The following CTNNA3 variants were observed in gnomAD, a reference collection of about 807,000 sequenced individuals.
CTNNA3 encodes catenin alpha 3, also known as catenin alpha-3.
CTNNA3 carries 76 observed loss-of-function variants against 95.7 expected under a neutral mutation model. That is an observed-to-expected ratio of 0.79 (90% CI 0.66 to 0.96). The LOEUF is 0.96. Among genes scored for constraint, CTNNA3 ranks in the 40% least tolerant of loss-of-function variants. The probability of loss-of-function intolerance (pLI) is 0.00; values close to 1 mark genes in which losing one functional copy is unlikely to be tolerated. For missense variants in CTNNA3, 1,191 were observed against 1,089.8 expected (o/e 1.09, Z -1.31); for synonymous variants, 431 against 374.4 (o/e 1.15, Z -1.74).
At chr10:67,071,937 T>C (rs1856490468) in intron 7 of CTNNA3, among the ~76,000 whole-genome samples, 1 of 152,144 alleles carries the variant, frequency 6.6e-6, no homozygotes, top group African/African-American at 2.4e-5. Flanking sequence ...TTCAAGAATA[T>C]GTGTTTGATT....
At chr10:66,498,168 A>G (rs1031409908) in intron 11 of CTNNA3, among the ~76,000 whole-genome samples, 5 of 152,086 alleles carry the variant, frequency 3.3e-5, no homozygotes, top group African/African-American at 1.2e-4. Flanking sequence ...AATGACAACG[A>G]AATCTCAATT....
intron 7 of CTNNA3, among the ~76,000 whole-genome samples, chr10:66,790,674 G>C (rs1264665312): frequency 1.3e-5 from 2 of 152,006 alleles, no homozygotes; most frequent in Admixed American, 1.3e-4. Context: ...TTATATTTTT[G>C]TGGTATGCCA....
intron 1 of CTNNA3, among the ~76,000 whole-genome samples, chr10:67,705,547 A>C (rs1433629789): frequency 1.3e-5 from 2 of 148,376 alleles, no homozygotes; most frequent in East Asian, 4.0e-4. Flanking sequence ...CAAACACCGC[A>C]TATTCTCACT....
At chr10:66,408,373 T>C (rs1013238248) in intron 11 of CTNNA3, among the ~76,000 whole-genome samples, 3 of 150,580 alleles carry the variant, frequency 2.0e-5, no homozygotes, top group East Asian at 2.0e-4. Context: ...CATTAAACCA[T>C]TTATTTATTT....
At chr10:66,820,916 T>C (rs2132291220) in intron 7 of CTNNA3, among the ~76,000 whole-genome samples, 1 of 152,268 alleles carries the variant, frequency 6.6e-6, no homozygotes, top group East Asian at 1.9e-4. Context: ...CTCTGGTATA[T>C]ACAAAAGTGT....
chr10:67,658,127 G>T (rs543489553), intron 1 of CTNNA3, among the ~76,000 whole-genome samples: 2 of 152,180 alleles, frequency 1.3e-5, no homozygotes, highest in Non-Finnish European at 2.9e-5. Context: ...ATCAGCATCA[G>T]CTTTAAAGTT....
At chr10:67,181,684 T>C (rs1291708535) in intron 6 of CTNNA3, among the ~76,000 whole-genome samples, 1 of 152,078 alleles carries the variant, frequency 6.6e-6, no homozygotes, top group Non-Finnish European at 1.5e-5. Context: ...TGTGTGTTTA[T>C]ATATAAAATC....
intron 9 of CTNNA3, among the ~76,000 whole-genome samples, chr10:66,703,582 A>G (rs565367791): frequency 1.1e-3 from 165 of 152,242 alleles, no homozygotes; most frequent in African/African-American, 3.9e-3. Flanking sequence ...CAATCAGAAA[A>G]TATGTCCGTG....
At chr10:66,332,438 A>C (rs2092342419) in intron 12 of CTNNA3, among the ~76,000 whole-genome samples, 1 of 128,060 alleles carries the variant, frequency 7.8e-6, no homozygotes, top group Non-Finnish European at 1.7e-5. Context: ...TTTAGCATGA[A>C]GGGTGTAGAT....
chr10:67,445,629 G>A (rs1846717866), intron 5 of CTNNA3, among the ~76,000 whole-genome samples: 1 of 152,048 alleles, frequency 6.6e-6, no homozygotes, highest in Non-Finnish European at 1.5e-5. Context: ...TCCAACACAT[G>A]CTTTTTGGGA....
chr10:66,088,911 C>G (rs7893976), intron 14 of CTNNA3, among the ~76,000 whole-genome samples: 80,452 of 151,862 alleles, frequency 0.53, 21,809 homozygotes, highest in South Asian at 0.6. Context: ...GTTGGCCAGG[C>G]GTGGAAAGTG....
chr10:66,115,563 TAGATAGAC>T (rs1293866407), intron 13 of CTNNA3, among the ~76,000 whole-genome samples: 5,950 of 138,100 alleles, frequency 0.043, 190 homozygotes, highest in Middle Eastern at 0.058. Context: ...GATAGATAGA[TAGATAGAC>T]AGATAGATGA....
chr10:66,597,649 A>G (rs886132015), intron 10 of CTNNA3, among the ~76,000 whole-genome samples: 1 of 150,322 alleles, frequency 6.7e-6, no homozygotes, highest in Non-Finnish European at 1.5e-5. Context: ...TCACATACAA[A>G]GGAACCCTCA....
chr10:66,845,727 A>AAC lies in CTNNA3; in HGVS notation c.1048-70204_1048-70203insGT, dbSNP rs1554862219. Among the ~76,000 whole-genome samples the AAC allele has an allele frequency of 1.1e-3, 99 of 94,124 alleles. 4 individuals carry two copies. The highest frequency in any genetic ancestry group is 3.5e-3 in the African/African-American group (93 of 26,208). The allele number at this position is 94,124 out of a possible 152,430, so 61.7% of individuals were successfully genotyped here. A position where few individuals can be genotyped will look rare whatever the true frequency, so the allele number is the denominator to read the frequency against. ...TCAAAAAAAAAAAAAAAAAAAAAAAAAACTAAAAAGGTGAGATATATATAC... is the reference window on the plus strand; with the variant it reads ...TCAAAAAAAAAAAAAAAAAAAAAAAAACAACTAAAAAGGTGAGATATATATAC... On this transcript the variant is annotated intron_variant, in intron 7 of 17. Coordinates refer to ENST00000433211, the MANE Select transcript of CTNNA3 (RefSeq NM_013266.4).
chr10:66,127,271 CAAAAA>C (rs35884096), intron 13 of CTNNA3, among the ~76,000 whole-genome samples: 3 of 74,156 alleles, frequency 4.0e-5, no homozygotes, highest in Non-Finnish European at 7.7e-5. Flanking sequence ...GACTCTGTCT[CAAAAA>C]AAAAAAAAAA....
intron 13 of CTNNA3, among the ~76,000 whole-genome samples, chr10:66,221,108 G>A (rs916309950): frequency 3.3e-5 from 5 of 152,184 alleles, no homozygotes; most frequent in Non-Finnish European, 5.9e-5. Context: ...CTATTCAGGA[G>A]AGCACATATT....
At chr10:66,837,531 CTTG>C (rs1300256038) in intron 7 of CTNNA3, 7 of 152,126 alleles carry the variant, frequency 4.6e-5, no homozygotes, top group Admixed American at 2.0e-4. Context: ...AGAAGTCTCT[CTTG>C]TTGTTGGACC....
intron 3 of CTNNA3, among the ~76,000 whole-genome samples, chr10:67,554,789 T>C (rs1467430177): frequency 3.3e-5 from 5 of 152,234 alleles, no homozygotes; most frequent in Admixed American, 6.5e-5. Flanking sequence ...TTGGCTTTTG[T>C]TGCCATTGCT....
At chr10:66,646,686 G>A (rs764220042) in intron 9 of CTNNA3, among the ~76,000 whole-genome samples, 1 of 152,172 alleles carries the variant, frequency 6.6e-6, no homozygotes, top group African/African-American at 2.4e-5. Flanking sequence ...AAGCAGTACA[G>A]AGCAGCAACC....
Sources: allele counts gnomAD v4.1 joint callset (sites outside exome capture counted in the v4.1 genomes callset), GRCh38; gene constraint gnomAD v4.1.1; transcripts MANE v1.5; gene names NCBI Gene and HGNC (gene_info 2026-07-23, HGNC 2026-07-21).